The following HECW1 variants were observed in gnomAD, a reference collection of about 807,000 sequenced individuals.
The protein encoded by HECW1 is HECT, C2 and WW domain containing E3 ubiquitin protein ligase 1, also known as E3 ubiquitin-protein ligase HECW1.
Under a neutral mutation model 182.3 loss-of-function variants are expected in HECW1, and 61 were observed. That is an observed-to-expected ratio of 0.33 (90% CI 0.27 to 0.41). HECW1 has a LOEUF of 0.41. HECW1 is among the 10% of genes least tolerant of loss of function. The probability of loss-of-function intolerance (pLI) is 1.00; values close to 1 mark genes in which losing one functional copy is unlikely to be tolerated. For synonymous variants in HECW1, 859 were observed against 832.6 expected (o/e 1.03, Z -0.55); for missense variants, 1,739 against 2,108.9 (o/e 0.82, Z 3.44).
intron 17 of HECW1, among the ~76,000 whole-genome samples, chr7:43,490,816 G>T (rs143634617): frequency 6.6e-6 from 1 of 152,056 alleles, no homozygotes; most frequent in Non-Finnish European, 1.5e-5. Context: ...GGAGTGCAAT[G>T]GTGCAATCTC....
At chr7:43,383,441 T>C (rs1046878050) in intron 6 of HECW1, among the ~76,000 whole-genome samples, 4 of 152,218 alleles carry the variant, frequency 2.6e-5, no homozygotes, top group Non-Finnish European at 5.9e-5. Flanking sequence ...CTCGCCAGCA[T>C]CTGTTGTTTC....
intron 5 of HECW1, among the ~76,000 whole-genome samples, chr7:43,324,801 C>T (rs1810570997): frequency 6.6e-6 from 1 of 152,142 alleles, no homozygotes; most frequent in Non-Finnish European, 1.5e-5. Flanking sequence ...ATTAAATTAA[C>T]ATAATAAAAT....
At chr7:43,550,614 A>G (rs1363268608) in intron 27 of HECW1, 23 bp downstream of exon 27, 8 of 1,579,138 alleles carry the variant, frequency 5.1e-6, no homozygotes, top group Non-Finnish European at 6.9e-6. Context: ...GGCCTGGGGA[A>G]GGCAAGCTGT....
At chr7:43,446,154 T>TTGTTGTTGTTG (rs1554420488) in intron 11 of HECW1, among the ~76,000 whole-genome samples, 70 of 151,832 alleles carry the variant, frequency 4.6e-4, no homozygotes, top group Admixed American at 1.6e-3. Flanking sequence ...TTGGTTTTGT[T>TTGTTGTTGTTG]TTGTTGTTGT....
intron 2 of HECW1, among the ~76,000 whole-genome samples, chr7:43,119,781 G>C (rs1292442175): frequency 6.6e-6 from 1 of 152,122 alleles, no homozygotes; most frequent in Non-Finnish European, 1.5e-5. Context: ...ATACCTGTGA[G>C]TCCCTCTGAC....
At chr7:43,440,513 G>A (rs1463677521) in intron 9 of HECW1, 3 of 152,188 alleles carry the variant, frequency 2.0e-5, no homozygotes, top group Non-Finnish European at 4.4e-5. Context: ...TAAAGGCAGG[G>A]GCGATGTATG....
At chr7:43,273,078 C>A (rs1287568007) in intron 3 of HECW1, among the ~76,000 whole-genome samples, 1 of 152,082 alleles carries the variant, frequency 6.6e-6, no homozygotes, top group Non-Finnish European at 1.5e-5. Context: ...AACAGAAAAC[C>A]AAATACTACA....
intron 5 of HECW1, among the ~76,000 whole-genome samples, chr7:43,347,861 T>A (rs1327286752): frequency 6.6e-6 from 1 of 152,216 alleles, no homozygotes; most frequent in African/African-American, 2.4e-5. Context: ...ACATCCCTCT[T>A]ATAAAACCCA....
intron 2 of HECW1, among the ~76,000 whole-genome samples, chr7:43,138,983 T>G (rs143186197): frequency 1.0e-3 from 152 of 152,344 alleles, no homozygotes; most frequent in African/African-American, 3.4e-3. Flanking sequence ...AGACTGGTTT[T>G]TTTGTTTGTT....
intron 29 of HECW1, among the ~76,000 whole-genome samples, chr7:43,557,100 A>G (rs942327272): frequency 6.6e-6 from 1 of 152,126 alleles, no homozygotes; most frequent in African/African-American, 2.4e-5. Flanking sequence ...AAAAAATGTC[A>G]TCTATGTGTG....
chr7:43,343,946 A>G (rs879705078), intron 5 of HECW1, among the ~76,000 whole-genome samples: 10 of 151,804 alleles, frequency 6.6e-5, no homozygotes, highest in Non-Finnish European at 1.3e-4. Context: ...AATGATCGCC[A>G]TTCTAACTGG....
chr7:43,241,040 C>G (rs1019637671), intron 2 of HECW1: 2 of 152,236 alleles, frequency 1.3e-5, no homozygotes, highest in Admixed American at 6.5e-5. Context: ...AAGGAAGAAT[C>G]ATCTAATCTA....
chr7:43,402,315 G>A (rs1249124588), intron 7 of HECW1, among the ~76,000 whole-genome samples: 1 of 152,166 alleles, frequency 6.6e-6, no homozygotes, highest in Admixed American at 6.5e-5. Context: ...AGATGCTACC[G>A]CGGGGCCGGA....
chr7:43,385,154 G>A (rs1277038426), intron 6 of HECW1, among the ~76,000 whole-genome samples: 2 of 147,126 alleles, frequency 1.4e-5, no homozygotes, highest in South Asian at 2.2e-4. Context: ...CTTCCAATCG[G>A]TCACCAAGTT....
At chr7:43,133,722 T>C (rs867420372) in intron 2 of HECW1, among the ~76,000 whole-genome samples, 31 of 152,168 alleles carry the variant, frequency 2.0e-4, no homozygotes, top group African/African-American at 5.3e-4. Flanking sequence ...TTTATTGTTT[T>C]TTTAACTCAA....
intron 5 of HECW1, among the ~76,000 whole-genome samples, chr7:43,354,802 T>C (rs1814901718): frequency 6.6e-6 from 1 of 152,016 alleles, no homozygotes; most frequent in African/African-American, 2.4e-5. Flanking sequence ...TCCATCCAGA[T>C]ACAGAAAGAT....
At chr7:43,166,262 T>C (rs1450760269) in intron 2 of HECW1, among the ~76,000 whole-genome samples, 1 of 152,166 alleles carries the variant, frequency 6.6e-6, no homozygotes, top group African/African-American at 2.4e-5. Context: ...TTTGTATTTT[T>C]AGTAGAGATG....
Position 43,198,225 on chromosome 7 carries a change from C to G in HECW1, c.-31-45650C>G, listed in dbSNP as rs926422018. Among the ~76,000 whole-genome samples the G allele has an allele frequency of 2.7e-5, 4 of 148,684 alleles. No individual in the cohort carries two copies. The South Asian group carries it at 8.6e-4, about 32-fold the overall frequency. The stretch of plus-strand genomic sequence containing the variant: ...ACACGCTCACCCTATACACACCCAC[C>G]ATAGTCGCACATCCCACAGTCTCTC... On this transcript the variant is annotated intron_variant, in intron 2 of 29. Transcript: ENST00000395891.
chr7:43,299,375 T>A (rs1221790374), intron 3 of HECW1, among the ~76,000 whole-genome samples: 1 of 152,144 alleles, frequency 6.6e-6, no homozygotes, highest in Non-Finnish European at 1.5e-5. Flanking sequence ...GCTTAGGAGA[T>A]GGTCACGGGC....
Sources: allele counts gnomAD v4.1 joint callset (sites outside exome capture counted in the v4.1 genomes callset), GRCh38; gene constraint gnomAD v4.1.1; transcripts MANE v1.5; gene names NCBI Gene and HGNC (gene_info 2026-07-23, HGNC 2026-07-21).